Variants in EPB42 observed in about 807,000 individuals in gnomAD.
EPB42 encodes erythrocyte membrane protein band 4.2.
In EPB42, 49 loss-of-function variants were observed where a neutral mutation model predicts 76.9. The observed-to-expected ratio is 0.64, with a 90% confidence interval of 0.51 to 0.81. EPB42 has a LOEUF of 0.81. Among genes scored for constraint, EPB42 ranks in the 30% least tolerant of loss-of-function variants. The pLI is 0.00. For missense variants in EPB42, 731 were observed against 867.6 expected, an observed-to-expected ratio of 0.84 and a Z score of 1.98; for synonymous variants, 310 against 338.4, an observed-to-expected ratio of 0.92 and a Z score of 0.92.
chr15:43,217,594 T>A (rs953352636), intron 1 of EPB42, among the ~76,000 whole-genome samples: 1 of 152,220 alleles, frequency 6.6e-6, no homozygotes, highest in Non-Finnish European at 1.5e-5. Flanking sequence ...AATTGTGTAC[T>A]TTTTGTTCCT....
intron 12 of EPB42, among the ~76,000 whole-genome samples, chr15:43,200,007 G>A (rs1385064100): frequency 6.6e-6 from 1 of 152,186 alleles, no homozygotes; most frequent in African/African-American, 2.4e-5. Context: ...TTTATCAGCA[G>A]CGTGAACACG....
chr15:43,208,508 G>A (rs569478385), intron 7 of EPB42, 129 bp downstream of exon 7: 89 of 1,493,894 alleles, frequency 6.0e-5, no homozygotes, highest in Middle Eastern at 1.7e-4. Flanking sequence ...CATCAGCGCC[G>A]CCTCTAAGGG....
chr15:43,213,353 T>C (rs1245196217), intron 3 of EPB42, among the ~76,000 whole-genome samples: 2 of 152,150 alleles, frequency 1.3e-5, no homozygotes, highest in Admixed American at 1.3e-4. Context: ...TCTCCAAGCA[T>C]GGCAAGATGA....
At chr15:43,223,778 A>G (rs555691593), upstream of EPB42, among the ~76,000 whole-genome samples, 267 of 152,298 alleles carry the variant, frequency 1.8e-3, 1 homozygote, top group African/African-American at 6.3e-3. Context: ...GTTCGAAACC[A>G]GCCAGGCCAA....
rs17722249 is a variant in EPB42, at chr15:43,218,655, T to G, written c.10+2161A>C. Among the ~76,000 whole-genome samples the G allele has an allele frequency of 2.1e-3, 317 of 152,324 alleles. 4 individuals carry two copies. The highest frequency in any genetic ancestry group is 0.011 in the South Asian group (51 of 4,828). ...AATCAGTGTTTGCTCCGTCAATGAATGGATGAGAACATTGAGACGGCCTTA... is the reference window on the plus strand; with the variant it reads ...AATCAGTGTTTGCTCCGTCAATGAAGGGATGAGAACATTGAGACGGCCTTA... On this transcript the variant is annotated intron_variant, in intron 1 of 12. Transcript: ENST00000441366.
At chr15:43,205,837 G>A (rs895007692) in intron 10 of EPB42, among the ~76,000 whole-genome samples, 21 of 152,118 alleles carry the variant, frequency 1.4e-4, no homozygotes, top group Non-Finnish European at 2.9e-5. Context: ...AACACAGGGT[G>A]TTAAAAAAAG....
chr15:43,211,543 AG>A lies in EPB42; in HGVS notation c.431-10del. On this transcript the variant is annotated splice_polypyrimidine_tract_variant and intron_variant, in intron 3 of 12. Coordinates refer to ENST00000441366, the MANE Select transcript of EPB42 (RefSeq NM_001114134.2). ...CAGGAACACAGCATCCTCTGGTGAG[AG>A]GTGGGTAGGGATGAGGGCCTGTGGG... The A allele has an allele frequency of 6.3e-7, 1 of 1,589,572 alleles. No homozygotes were observed. The highest frequency in any genetic ancestry group is 1.1e-5 in the South Asian group (1 of 90,606).
chr15:43,207,892 C>T (rs1435015510), intron 8 of EPB42, among the ~76,000 whole-genome samples: 1 of 152,190 alleles, frequency 6.6e-6, no homozygotes, highest in East Asian at 1.9e-4. Context: ...CCTCTTCATC[C>T]GTGTCCAGAA....
intron 3 of EPB42, among the ~76,000 whole-genome samples, chr15:43,214,146 C>G (rs975907881): frequency 2.0e-5 from 3 of 152,206 alleles, no homozygotes; most frequent in African/African-American, 7.2e-5. Context: ...CCCAACAAAC[C>G]CTTCAGGGAG....
intron 8 of EPB42, 60 bp downstream of exon 8, chr15:43,208,170 C>G (rs1240037227): frequency 6.6e-7 from 1 of 1,503,796 alleles, no homozygotes; most frequent in East Asian, 2.3e-5. Flanking sequence ...CCCGAGTCCT[C>G]TCTGGGGACT....
intron 5 of EPB42, among the ~76,000 whole-genome samples, chr15:43,209,895 C>T (rs144408979): frequency 6.6e-6 from 1 of 152,228 alleles, no homozygotes; most frequent in Non-Finnish European, 1.5e-5. Context: ...CACATGACTC[C>T]TCTGAGAGGA....
rs2042453310 is a variant in EPB42, at chr15:43,220,893, C to T, written c.-68G>A. The T allele has an allele frequency of 5.6e-6, 8 of 1,441,414 alleles. No individual in the cohort carries two copies. Among genetic ancestry groups the T allele is most frequent in the Non-Finnish European group, 7.7e-6 (8 of 1,033,470 alleles). The allele number at this position is 1,441,414 out of a possible 1,614,324, so 89.3% of individuals were successfully genotyped here. ...CCTCTCTCAAACTGTTGCTTCTGGG[C>T]TCCTTCTGGGCTTTCTGTCTTCCAG... On this transcript the variant is annotated 5_prime_UTR_variant, in exon 1 of 13. Coordinates refer to ENST00000441366, the MANE Select transcript of EPB42 (RefSeq NM_001114134.2).
At chr15:43,222,579 T>C (rs78899565), upstream of EPB42, among the ~76,000 whole-genome samples, 5,525 of 152,290 alleles carry the variant, frequency 0.036, 334 homozygotes, top group African/African-American at 0.12. Flanking sequence ...GATTGTTTTT[T>C]GAAACTAGGT....
chr15:43,206,372 G>C lies in EPB42; in HGVS notation c.1576C>G (p.Leu526Val), dbSNP rs1353273136. ...VHYNGVLAAK[L>V]WRKKLHLTLS... ...GTGAGGTGCAGCTTCTTCCTCCAGA[G>C]CTTGGCAGCAAGGACACCGTTGTAG... Residue 526 changes from leucine to valine, a missense_variant, in exon 10 of 13, where the codon CTC (leucine) becomes GTC (valine). Transcript: ENST00000441366. This position sits in a 1 kb window ranked among gnomAD's most constrained non-coding sequence, Gnocchi z 4.7. The C allele has an allele frequency of 1.2e-6, 2 of 1,613,460 alleles. No homozygotes were observed. The highest frequency in any genetic ancestry group is 3.3e-5 in the Admixed American group (2 of 60,024).
chr15:43,217,453 C>T (rs1020207489), intron 1 of EPB42, among the ~76,000 whole-genome samples: 9 of 151,770 alleles, frequency 5.9e-5, no homozygotes, highest in African/African-American at 1.9e-4. Context: ...GTGTGAGAAC[C>T]GACTAATACA....
At chr15:43,223,391 C>A (rs755663709), upstream of EPB42, among the ~76,000 whole-genome samples, 11 of 151,836 alleles carry the variant, frequency 7.2e-5, no homozygotes, top group Non-Finnish European at 1.3e-4. Context: ...GGATTAATCT[C>A]CTTAATATAA....
chr15:43,214,298 C>G (rs2042342883), intron 3 of EPB42, among the ~76,000 whole-genome samples: 1 of 152,198 alleles, frequency 6.6e-6, no homozygotes, highest in Non-Finnish European at 1.5e-5. Flanking sequence ...GACGACACAG[C>G]TCCAGCCACA....
rs1021251440 is a variant in EPB42, at chr15:43,208,876, T to C, written c.833-101A>G. 1.8e-5 allele frequency: 25 copies of C among 1,408,732 alleles called. No individual in the cohort carries two copies. In the African/African-American group the frequency reaches 3.2e-4, roughly 18 times the overall value. 87.3% of individuals were successfully genotyped at this position (1,408,732 alleles called of 1,614,324 possible). On this transcript the variant is annotated intron_variant, in intron 6 of 12. Transcript: ENST00000441366. Reference sequence around the variant, plus strand: ...AGTGTCTCCTCTGGGCACTGAAAACTTGGAAAGAAGAGGAGTGCAGGAACC... The same window carrying C: ...AGTGTCTCCTCTGGGCACTGAAAACCTGGAAAGAAGAGGAGTGCAGGAACC...
At chr15:43,210,246 G>A (rs2042272567) in intron 5 of EPB42, 89 bp downstream of exon 5, 5 of 1,153,410 alleles carry the variant, frequency 4.3e-6, no homozygotes, top group Non-Finnish European at 6.5e-6. Flanking sequence ...GTGATTTGGG[G>A]GTTTCTGAGG....
Sources: gnomAD v4.1 joint callset for allele counts (sites outside exome capture counted in the v4.1 genomes callset) on GRCh38, gnomAD v4.1.1 for gene constraint, Gnocchi (gnomAD v3.1) non-coding constraint, MANE v1.5 for transcripts, NCBI Gene and HGNC (gene_info 2026-07-23, HGNC 2026-07-21) for gene names.